Variants in EPHA6 observed in about 807,000 individuals in gnomAD.
EPHA6 encodes the protein ephrin type-A receptor 6.
A neutral mutation model predicts 112.0 loss-of-function variants in EPHA6; 50 were observed. The observed-to-expected ratio is 0.45, with a 90% CI of 0.36 to 0.56. EPHA6 has a LOEUF of 0.56. Ranked by LOEUF, EPHA6 falls within the 20% of genes least tolerant of loss-of-function variation. The pLI, the probability that EPHA6 is intolerant of heterozygous loss-of-function variation, is 0.00. For missense variants in EPHA6, 1,280 were observed against 1,417.4 expected, an observed-to-expected ratio of 0.90 and a Z score of 1.56; for synonymous variants, 529 against 490.7, an observed-to-expected ratio of 1.08 and a Z score of -1.03.
intron 2 of EPHA6, among the ~76,000 whole-genome samples, chr3:96,930,103 G>A (rs894365190): frequency 2.6e-5 from 4 of 152,126 alleles, no homozygotes; most frequent in Non-Finnish European, 5.9e-5. Flanking sequence ...GGCTATTTTG[G>A]TTGTCAGCTC....
intron 16 of EPHA6, among the ~76,000 whole-genome samples, chr3:97,741,764 AG>A (rs2035515079): frequency 6.6e-6 from 1 of 152,132 alleles, no homozygotes; most frequent in Non-Finnish European, 1.5e-5. Flanking sequence ...TTCTAAGAAA[AG>A]GGGGTACATT....
intron 13 of EPHA6, among the ~76,000 whole-genome samples, chr3:97,624,846 T>C (rs2093842724): frequency 6.6e-6 from 1 of 151,600 alleles, no homozygotes; most frequent in Non-Finnish European, 1.5e-5. Context: ...CATACAATCA[T>C]TTATAGTACT....
intron 5 of EPHA6, among the ~76,000 whole-genome samples, chr3:97,309,592 T>G (rs546381754): frequency 2.6e-5 from 4 of 151,782 alleles, no homozygotes; most frequent in Admixed American, 6.6e-5. Flanking sequence ...TGAATTAATT[T>G]AAAAATTGGT....
intron 11 of EPHA6, among the ~76,000 whole-genome samples, chr3:97,558,537 C>T (rs2093145896): frequency 6.6e-6 from 1 of 152,002 alleles, no homozygotes; most frequent in Non-Finnish European, 1.5e-5. Context: ...CCCCCATTCT[C>T]TATACTTTCT....
chr3:97,062,840 A>G lies in EPHA6; in HGVS notation c.1114+74847A>G, dbSNP rs571641267. Among the ~76,000 whole-genome samples the G allele has an allele frequency of 3.3e-5, 5 of 152,250 alleles. No homozygotes were observed. The East Asian group carries it at 7.7e-4, about 24-fold the overall frequency. Reference sequence around the variant, plus strand: ...AAACCTCTTTTTCTTTGTAAATTACACAGTTTCAGGTATGTCTTTATCAGC... The same window carrying G: ...AAACCTCTTTTTCTTTGTAAATTACGCAGTTTCAGGTATGTCTTTATCAGC... On this transcript the variant is annotated intron_variant, in intron 3 of 17. Coordinates refer to ENST00000389672, the MANE Select transcript of EPHA6 (RefSeq NM_001080448.3).
At chr3:97,015,822 C>T (rs1050515235) in intron 3 of EPHA6, among the ~76,000 whole-genome samples, 1 of 152,054 alleles carries the variant, frequency 6.6e-6, no homozygotes, top group Non-Finnish European at 1.5e-5. Context: ...CTCACAGAAA[C>T]AGATAATTTA....
intron 3 of EPHA6, among the ~76,000 whole-genome samples, chr3:97,208,104 G>A (rs1559798870): frequency 6.6e-6 from 1 of 152,084 alleles, no homozygotes; most frequent in African/African-American, 2.4e-5. Flanking sequence ...TCTGAATCTC[G>A]AGTGTCTGCT....
At chr3:97,307,138 G>A (rs996184019) in intron 5 of EPHA6, among the ~76,000 whole-genome samples, 3 of 151,532 alleles carry the variant, frequency 2.0e-5, no homozygotes, top group Non-Finnish European at 4.4e-5. Flanking sequence ...GAAATATCTG[G>A]TTATATCTAG....
chr3:97,192,663 G>A (rs1185333241), intron 3 of EPHA6, among the ~76,000 whole-genome samples: 1 of 152,002 alleles, frequency 6.6e-6, no homozygotes, highest in African/African-American at 2.4e-5. Context: ...TGTTTCAGTT[G>A]TCTGTACTTA....
At chr3:97,443,651 AG>A (rs1208682634) in intron 6 of EPHA6, among the ~76,000 whole-genome samples, 17 of 152,152 alleles carry the variant, frequency 1.1e-4, no homozygotes, top group Admixed American at 2.0e-4. Context: ...ATAAAAATAA[AG>A]GCAGCCTGCA....
chr3:97,421,866 G>A (rs1446346331), intron 6 of EPHA6, among the ~76,000 whole-genome samples: 1 of 151,966 alleles, frequency 6.6e-6, no homozygotes, highest in African/African-American at 2.4e-5. Context: ...CATTAAAAAT[G>A]TATGGGCTAT....
intron 1 of EPHA6, among the ~76,000 whole-genome samples, chr3:96,850,257 G>A (rs541624576): frequency 6.6e-6 from 1 of 152,226 alleles, no homozygotes; most frequent in South Asian, 2.1e-4. Context: ...GCATGAGGAT[G>A]TGAGAGTTTG....
At chr3:97,363,438 A>G (rs904285933) in intron 5 of EPHA6, among the ~76,000 whole-genome samples, 1 of 151,230 alleles carries the variant, frequency 6.6e-6, no homozygotes, top group Non-Finnish European at 1.5e-5. Context: ...ATCTCATTAT[A>G]AAAGAATTGG....
At position 96,850,248 on chromosome 3, in the gene EPHA6, C is replaced by T. The variant is rs1356968397; in HGVS notation, c.386-16577C>T. Among the ~76,000 whole-genome samples the T allele has an allele frequency of 2.6e-5, 4 of 152,052 alleles. No individual in the cohort carries two copies. The East Asian group carries it at 5.8e-4, about 22-fold the overall frequency. On this transcript the variant is annotated intron_variant, in intron 1 of 17. Coordinates refer to ENST00000389672, the MANE Select transcript of EPHA6 (RefSeq NM_001080448.3). ...TTCATGTTTGCTGTAATTTGGGGAG[C>T]ATGAGGATGTGAGAGTTTGTAGCTA... is the stretch of plus-strand genomic sequence containing the variant.
At chr3:97,496,275 T>C (rs1343590352) in intron 10 of EPHA6, among the ~76,000 whole-genome samples, 1 of 152,070 alleles carries the variant, frequency 6.6e-6, no homozygotes, top group Non-Finnish European at 1.5e-5. Context: ...CGCTTCAGCC[T>C]ATCAGGAAAA....
At chr3:97,289,142 TA>T (rs2080588306) in intron 5 of EPHA6, among the ~76,000 whole-genome samples, 1 of 152,140 alleles carries the variant, frequency 6.6e-6, no homozygotes, top group African/African-American at 2.4e-5. Context: ...GACTTAGTCA[TA>T]ATTTCTTTCC....
At chr3:97,624,923 T>C (rs1488902935) in intron 13 of EPHA6, among the ~76,000 whole-genome samples, 2 of 151,570 alleles carry the variant, frequency 1.3e-5, no homozygotes, top group Admixed American at 6.6e-5. Context: ...TTTTAGTAAT[T>C]TCAGTCTTCT....
chr3:97,535,212 G>T (rs368191384), intron 11 of EPHA6, among the ~76,000 whole-genome samples: 26 of 152,148 alleles, frequency 1.7e-4, no homozygotes, highest in African/African-American at 6.3e-4. Flanking sequence ...CATAGTGATT[G>T]CTTTACAACT....
intron 7 of EPHA6, among the ~76,000 whole-genome samples, chr3:97,469,559 A>G (rs2091162092): frequency 6.6e-6 from 1 of 151,676 alleles, no homozygotes; most frequent in Admixed American, 6.6e-5. Context: ...TGGGTACCTG[A>G]ACTAAGAAAA....
Sources: gnomAD v4.1 joint callset for allele counts (sites outside exome capture counted in the v4.1 genomes callset) on GRCh38, gnomAD v4.1.1 for gene constraint, MANE v1.5 for transcripts, NCBI Gene and HGNC (gene_info 2026-07-23, HGNC 2026-07-21) for gene names.